Variants in DPYD observed in about 807,000 individuals in gnomAD.
DPYD encodes the protein dihydropyrimidine dehydrogenase, also known as dihydropyrimidine dehydrogenase [NADP(+)].
In DPYD, 109 loss-of-function variants were observed where a neutral mutation model predicts 116.2. The observed-to-expected ratio is 0.94, with a 90% CI of 0.80 to 1.10. The LOEUF (loss-of-function observed/expected upper bound fraction) is 1.10, where lower values mean the gene tolerates loss of function less well. Among genes scored for constraint, DPYD ranks in the 50% least tolerant of loss-of-function variants. The pLI, the probability that DPYD is intolerant of heterozygous loss-of-function variation, is 0.00. For synonymous variants in DPYD, 440 were observed against 432.0 expected (o/e 1.02, Z -0.23); for missense variants, 1,302 against 1,254.5 (o/e 1.04, Z -0.57).
chr1:97,502,610 T>G (rs1679644637), intron 13 of DPYD, among the ~76,000 whole-genome samples: 1 of 151,868 alleles, frequency 6.6e-6, no homozygotes, highest in Admixed American at 6.6e-5. Context: ...AGGCCGGAAT[T>G]TAGGATAAGA....
intron 20 of DPYD, among the ~76,000 whole-genome samples, chr1:97,164,480 T>A (rs1023025687): frequency 1.3e-5 from 2 of 152,122 alleles, no homozygotes; most frequent in Non-Finnish European, 2.9e-5. Flanking sequence ...AGAGAGGAAG[T>A]GAAACTATCA....
intron 14 of DPYD, among the ~76,000 whole-genome samples, chr1:97,390,459 T>G (rs1286655430): frequency 6.6e-6 from 1 of 152,052 alleles, no homozygotes; most frequent in Non-Finnish European, 1.5e-5. Flanking sequence ...ATTTTAGATG[T>G]CCTTTATGCC....
chr1:97,531,485 A>G (rs751359710), intron 12 of DPYD, among the ~76,000 whole-genome samples: 5 of 152,152 alleles, frequency 3.3e-5, no homozygotes, highest in Non-Finnish European at 7.4e-5. Flanking sequence ...TATTGTTCCA[A>G]TGCTCTACAT....
chr1:97,523,028 G>C (rs532887448), intron 12 of DPYD, among the ~76,000 whole-genome samples: 172 of 152,216 alleles, frequency 1.1e-3, no homozygotes, highest in African/African-American at 3.8e-3. Flanking sequence ...TCGAATTTTT[G>C]CCATTTCCCT....
intron 19 of DPYD, among the ~76,000 whole-genome samples, chr1:97,213,912 T>C (rs988012094): frequency 6.6e-6 from 1 of 152,148 alleles, no homozygotes; most frequent in Non-Finnish European, 1.5e-5. Context: ...GTTACTAAAA[T>C]GCCCATTTTA....
intron 14 of DPYD, among the ~76,000 whole-genome samples, chr1:97,424,592 T>C (rs1674764785): frequency 6.6e-6 from 1 of 152,128 alleles, no homozygotes; most frequent in Non-Finnish European, 1.5e-5. Context: ...ATGCAAATAT[T>C]CATAGTGAAT....
At chr1:97,806,839 CT>C (rs1448618358) in intron 3 of DPYD, among the ~76,000 whole-genome samples, 1 of 151,958 alleles carries the variant, frequency 6.6e-6, no homozygotes, top group Non-Finnish European at 1.5e-5. Flanking sequence ...TCTTAAACCC[CT>C]GGCAACCCCT....
chr1:97,514,146 A>G, intron 13 of DPYD: 2 of 943,226 alleles, frequency 2.1e-6, no homozygotes, highest in Non-Finnish European at 1.3e-6. Flanking sequence ...ATTAAATTCA[A>G]ATTGGAGGTT....
intron 16 of DPYD, among the ~76,000 whole-genome samples, chr1:97,339,394 A>G (rs1312504912): frequency 6.6e-6 from 1 of 152,180 alleles, no homozygotes; most frequent in Non-Finnish European, 1.5e-5. Context: ...TCTGACCTCC[A>G]ATGCTAATGA....
At chr1:97,542,984 G>A (rs1650570278) in intron 12 of DPYD, among the ~76,000 whole-genome samples, 3 of 151,856 alleles carry the variant, frequency 2.0e-5, no homozygotes, top group Admixed American at 2.0e-4. Context: ...ACAATACAAG[G>A]TGAATGATTT....
At chr1:97,508,354 G>A (rs962780550) in intron 13 of DPYD, among the ~76,000 whole-genome samples, 6 of 151,974 alleles carry the variant, frequency 3.9e-5, no homozygotes, top group Non-Finnish European at 1.5e-5. Flanking sequence ...CAAGCAAAAT[G>A]GTCCTAAGAC....
intron 8 of DPYD, among the ~76,000 whole-genome samples, chr1:97,605,719 C>A (rs1324490711): frequency 6.6e-6 from 1 of 152,008 alleles, no homozygotes; most frequent in Non-Finnish European, 1.5e-5. Context: ...AAAATCTGCT[C>A]TGCTGGGATA....
At chr1:97,243,502 T>G (rs1439860786) in intron 18 of DPYD, among the ~76,000 whole-genome samples, 12 of 151,880 alleles carry the variant, frequency 7.9e-5, no homozygotes, top group Admixed American at 2.6e-4. Context: ...GGTCCAGTAT[T>G]TGAATCCAGG....
rs544234132 is a variant in DPYD at position 97,698,397 on chromosome 1, G to A, written c.680+954C>T. ...TTGGGCTTAGCATATTGTTGTTTGA[G>A]TAATATTGAAATTTATACATTTATT... is the stretch of plus-strand genomic sequence containing the variant. On this transcript the variant is annotated intron_variant, in intron 6 of 22. Transcript: ENST00000370192. 5.3e-5 allele frequency among the ~76,000 whole-genome samples: 8 copies of A among 151,738 alleles called. No individual in the cohort carries two copies. In the East Asian group the frequency reaches 1.5e-3, roughly 29 times the overall value.
chr1:97,623,352 G>A (rs1188218725), intron 8 of DPYD, among the ~76,000 whole-genome samples: 1 of 152,062 alleles, frequency 6.6e-6, no homozygotes, highest in Non-Finnish European at 1.5e-5. Context: ...AGCTAGAGCA[G>A]GCTGTTAAAT....
At chr1:97,100,236 G>C (rs1650564604) in intron 20 of DPYD, among the ~76,000 whole-genome samples, 1 of 151,992 alleles carries the variant, frequency 6.6e-6, no homozygotes, top group South Asian at 2.1e-4. Context: ...ATCCTTAAAA[G>C]ACAATGCTTT....
chr1:97,228,077 C>T (rs1157318284), intron 19 of DPYD, among the ~76,000 whole-genome samples: 1 of 150,820 alleles, frequency 6.6e-6, no homozygotes, highest in Non-Finnish European at 1.5e-5. Flanking sequence ...TTACATTTAA[C>T]ATTTATTGTA....
intron 19 of DPYD, among the ~76,000 whole-genome samples, chr1:97,217,522 G>T (rs1197411677): frequency 1.3e-5 from 2 of 151,356 alleles, no homozygotes; most frequent in African/African-American, 4.8e-5. Context: ...ATATTTTACT[G>T]TAATTTCTTT....
At chr1:97,441,975 G>T (rs1675822166) in intron 14 of DPYD, among the ~76,000 whole-genome samples, 1 of 152,050 alleles carries the variant, frequency 6.6e-6, no homozygotes, top group Non-Finnish European at 1.5e-5. Context: ...TGTGGTCATA[G>T]AGTTTTCCAG....
Sources: gnomAD v4.1 joint callset for allele counts (sites outside exome capture counted in the v4.1 genomes callset) on GRCh38, gnomAD v4.1.1 for gene constraint, MANE v1.5 for transcripts, NCBI Gene and HGNC (gene_info 2026-07-23, HGNC 2026-07-21) for gene names.